GDAP1: variants seen among roughly 807,000 people sequenced by gnomAD.
GDAP1 encodes the protein ganglioside-induced differentiation-associated protein 1.
A neutral mutation model predicts 40.1 loss-of-function variants in GDAP1; 34 were observed. The ratio of observed to expected loss-of-function variants is 0.85; its 90% CI spans 0.64 to 1.13. The LOEUF (loss-of-function observed/expected upper bound fraction) is 1.13, where lower values mean the gene tolerates loss of function less well. Among genes scored for constraint, GDAP1 ranks in the 50% most tolerant of loss-of-function variants. The pLI is 0.00. For missense variants in GDAP1, 374 were observed against 433.7 expected (o/e 0.86, Z 1.22); for synonymous variants, 170 against 157.4 (o/e 1.08, Z -0.60).
rs139796161 is a variant in GDAP1, at chr8:74,374,127, A to C, written c.165+22806A>C. On this transcript the variant is annotated intron_variant, in intron 2 of 2. Transcript: ENST00000523640. ...GAAGACCACTTGATCATGGTGGATA[A>C]GCTTTTTGATGTGCTGCTGAATTCG... Among the ~76,000 whole-genome samples the C allele has an allele frequency of 4.1e-4, 63 of 152,278 alleles. 1 individual carries two copies. In the East Asian group the frequency reaches 0.011, roughly 26 times the overall value.
intron 2 of GDAP1, among the ~76,000 whole-genome samples, chr8:74,460,021 G>C (rs900623545): frequency 2.4e-4 from 36 of 152,136 alleles, no homozygotes; most frequent in African/African-American, 8.0e-4. Flanking sequence ...GGCAATCTGT[G>C]GGCAGCATTG....
intron 2 of GDAP1, among the ~76,000 whole-genome samples, chr8:74,384,295 A>G (rs1398321203): frequency 6.6e-6 from 1 of 152,148 alleles, no homozygotes; most frequent in Non-Finnish European, 1.5e-5. Flanking sequence ...TACAATTTTT[A>G]AAAATTCTTC....
chr8:74,446,163 G>A (rs1229860579), intron 2 of GDAP1, among the ~76,000 whole-genome samples: 1 of 152,072 alleles, frequency 6.6e-6, no homozygotes, highest in Non-Finnish European at 1.5e-5. Flanking sequence ...GTGGATTAAG[G>A]GAGATTATTG....
At chr8:74,359,305 A>G (rs1809242162) in intron 2 of GDAP1, among the ~76,000 whole-genome samples, 1 of 152,178 alleles carries the variant, frequency 6.6e-6, no homozygotes, top group Non-Finnish European at 1.5e-5. Context: ...TTTGGAATGT[A>G]TTCATTGTAA....
At position 74,451,687 on chromosome 8, in the gene GDAP1, G is replaced by A. The variant is rs1806296848; in HGVS notation, c.166-36991G>A. Reference sequence around the variant, plus strand: ...CCTTAGTTCACATTCTTTTTTGATGGATGCTTTCACTGGTATAGAATTCTA... The same window carrying A: ...CCTTAGTTCACATTCTTTTTTGATGAATGCTTTCACTGGTATAGAATTCTA... On this transcript the variant is annotated intron_variant, in intron 2 of 2. Transcript: ENST00000523640. 2.5e-5 allele frequency among the ~76,000 whole-genome samples: 2 copies of A among 81,024 alleles called. 1 individual carries two copies. Among genetic ancestry groups the A allele is most frequent in the Non-Finnish European group, 4.9e-5 (2 of 40,462 alleles). 53.2% of individuals were successfully genotyped at this position (81,024 alleles called of 152,430 possible).
At chr8:74,374,055 A>G (rs890720198) in intron 2 of GDAP1, among the ~76,000 whole-genome samples, 7 of 152,222 alleles carry the variant, frequency 4.6e-5, no homozygotes, top group African/African-American at 1.2e-4. Flanking sequence ...ATACTGGATT[A>G]TGTTTATTGA....
At chr8:74,371,925 C>A (rs1220287513) in intron 2 of GDAP1, among the ~76,000 whole-genome samples, 6 of 148,958 alleles carry the variant, frequency 4.0e-5, no homozygotes, top group Admixed American at 4.0e-4. Flanking sequence ...CCTCCCCCCC[C>A]ACCCCATGAC....
In GDAP1 at chr8:74,393,798, T is replaced by A. The variant is rs944449211; in HGVS notation, c.165+42477T>A. On this transcript the variant is annotated intron_variant, in intron 2 of 2. Coordinates refer to the GDAP1 transcript ENST00000523640. ...GTGTAATTAAATGAGGGCAAATACC[T>A]TTCAGTATGACACATGTATCTATGA... Among the ~76,000 whole-genome samples, 4 of 151,898 alleles carry A rather than the reference T, an allele frequency of 2.6e-5. No individual in the cohort carries two copies. In the East Asian group the frequency reaches 7.7e-4, roughly 29 times the overall value.
intron 2 of GDAP1, among the ~76,000 whole-genome samples, chr8:74,426,142 A>G (rs1457947045): frequency 6.6e-6 from 1 of 152,242 alleles, no homozygotes; most frequent in African/African-American, 2.4e-5. Context: ...TATTTTTTAA[A>G]CTTTCAGATT....
At chr8:74,352,182 A>G (rs534266766) in intron 2 of GDAP1, among the ~76,000 whole-genome samples, 1 of 152,334 alleles carries the variant, frequency 6.6e-6, no homozygotes, top group Non-Finnish European at 1.5e-5. Flanking sequence ...CCTTCATACT[A>G]CACTGACTGT....
Position 74,361,867 on chromosome 8 carries a change from A to C in GDAP1, c.485-17A>C, listed in dbSNP as rs890592656. Reference sequence around the variant, plus strand: ...GGAGAAAATAATTTTCTGTTTCCAAAATGTTTTTATTATCAGGCCAAATTG... The same window carrying C: ...GGAGAAAATAATTTTCTGTTTCCAACATGTTTTTATTATCAGGCCAAATTG... On this transcript the variant is annotated splice_polypyrimidine_tract_variant and intron_variant, in intron 3 of 5. Coordinates refer to ENST00000220822, the MANE Select transcript of GDAP1 (RefSeq NM_018972.4). 1 of 1,422,608 alleles carries C rather than the reference A, an allele frequency of 7.0e-7. No individual in the cohort carries two copies. 88.1% of individuals were successfully genotyped at this position (1,422,608 alleles called of 1,614,324 possible). A position where few individuals can be genotyped will look rare whatever the true frequency, so the allele number is the denominator to read the frequency against.
intron 2 of GDAP1, among the ~76,000 whole-genome samples, chr8:74,478,645 C>T (rs891586452): frequency 2.6e-5 from 4 of 152,158 alleles, no homozygotes; most frequent in South Asian, 2.1e-4. Context: ...CTAAAAGTCT[C>T]CTAGGCACAA....
At chr8:74,430,553 G>A (rs1340109101) in intron 2 of GDAP1, among the ~76,000 whole-genome samples, 1 of 152,106 alleles carries the variant, frequency 6.6e-6, no homozygotes, top group African/African-American at 2.4e-5. Flanking sequence ...GAGAAAGGTA[G>A]GGTGCACATA....
Position 74,422,138 on chromosome 8 carries a change from C to A in GDAP1, c.166-66540C>A, listed in dbSNP as rs115257286. On this transcript the variant is annotated intron_variant, in intron 2 of 2. Coordinates refer to the GDAP1 transcript ENST00000523640. ...CTTTTCTTTCTTGCTTTTTCATTTTCTTTCTTTCCTTCTTCATTTTCTTCT... is the reference window on the plus strand; with the variant it reads ...CTTTTCTTTCTTGCTTTTTCATTTTATTTCTTTCCTTCTTCATTTTCTTCT... Among the ~76,000 whole-genome samples, 838 of 151,786 alleles carry A rather than the reference C, an allele frequency of 5.5e-3. 9 individuals are homozygous for A. Among genetic ancestry groups the A allele is most frequent in the African/African-American group, 0.019 (778 of 41,410 alleles).
intron 2 of GDAP1, among the ~76,000 whole-genome samples, chr8:74,380,034 A>G (rs1809922052): frequency 1.3e-5 from 2 of 152,194 alleles, no homozygotes; most frequent in Admixed American, 1.3e-4. Context: ...GCTCTGATTC[A>G]TTTGTGGATT....
At chr8:74,435,595 G>A (rs1806079050) in intron 2 of GDAP1, among the ~76,000 whole-genome samples, 1 of 152,192 alleles carries the variant, frequency 6.6e-6, no homozygotes, top group African/African-American at 2.4e-5. Flanking sequence ...TATTAAAGCA[G>A]AAGGATTCTG....
At position 74,364,267 on chromosome 8, in the gene GDAP1, T is replaced by A. The variant is rs1416176817; in HGVS notation, c.977T>A (p.Val326Asp). The A allele has an allele frequency of 6.2e-7, 1 of 1,614,134 alleles. No homozygotes were observed. Residue 326 changes from valine to aspartate, a missense_variant, in exon 6 of 6, where the codon GTT becomes GAT. Coordinates refer to ENST00000220822, the MANE Select transcript of GDAP1 (RefSeq NM_018972.4). ...APKVLGTTLV[V>D]GLLAGVGYFA... is the part of the protein sequence containing the mutation. ...AAAGTTCTTGGCACGACCCTTGTGG[T>A]TGGTTTGCTTGCAGGAGTGGGATAT...
At chr8:74,465,777 GTT>G (rs34707830) in intron 2 of GDAP1, among the ~76,000 whole-genome samples, 65 of 145,382 alleles carry the variant, frequency 4.5e-4, no homozygotes, top group South Asian at 2.0e-3. Flanking sequence ...ATCACACCAA[GTT>G]TTTTTTTTTT....
intron 2 of GDAP1, among the ~76,000 whole-genome samples, chr8:74,395,419 T>G (rs868781478): frequency 1.2e-4 from 18 of 152,298 alleles, no homozygotes; most frequent in African/African-American, 4.3e-4. Flanking sequence ...AATCTTAATT[T>G]CATGTCCTTT....
Sources: gnomAD v4.1 joint callset for allele counts (sites outside exome capture counted in the v4.1 genomes callset) on GRCh38, gnomAD v4.1.1 for gene constraint, MANE v1.5 for transcripts, NCBI Gene and HGNC (gene_info 2026-07-23, HGNC 2026-07-21) for gene names.